WWOX: variants seen among roughly 807,000 people sequenced by gnomAD.
WWOX encodes the protein WW domain-containing oxidoreductase.
In WWOX, 69 loss-of-function variants were observed where a neutral mutation model predicts 46.2. The ratio of observed to expected loss-of-function variants is 1.49; its 90% CI spans 1.23 to 1.82. WWOX has a LOEUF of 1.82. Among genes scored for constraint, WWOX ranks in the 40% most tolerant of loss-of-function variants. WWOX has a pLI of 0.00. For missense variants in WWOX, 919 were observed against 542.6 expected (o/e 1.69, Z -6.89); for synonymous variants, 359 against 202.6 (o/e 1.77, Z -6.56).
intron 6 of WWOX, among the ~76,000 whole-genome samples, chr16:78,405,430 G>A (rs764613980): frequency 2.6e-5 from 4 of 152,140 alleles, no homozygotes; most frequent in Non-Finnish European, 5.9e-5. Flanking sequence ...ACATGTGACG[G>A]TCCTTTCAAA....
intron 8 of WWOX, among the ~76,000 whole-genome samples, chr16:78,652,306 G>A (rs898727791): frequency 3.3e-5 from 5 of 150,466 alleles, no homozygotes; most frequent in Admixed American, 3.3e-4. Flanking sequence ...CTACTCGGGA[G>A]CCTGAGGCAG....
At chr16:78,301,368 T>C (rs2080038363) in intron 5 of WWOX, among the ~76,000 whole-genome samples, 9 of 152,222 alleles carry the variant, frequency 5.9e-5, no homozygotes, top group Admixed American at 4.6e-4. Flanking sequence ...CCTTTCTGGA[T>C]ACTGTGTATA....
Position 78,226,452 on chromosome 16 carries a change from T to TTGTCC in WWOX, c.516+62188_516+62192dup, listed in dbSNP as rs558775038. ...GAAGACCCTTCTTTCCTTTCCTTTC[T>TTGTCC]TGTCCTGTCCTGTCCTGTCCTGTCC... On this transcript the variant is annotated intron_variant, in intron 5 of 8. Transcript: ENST00000566780. Among the ~76,000 whole-genome samples, 360 of 151,014 alleles carry TTGTCC rather than the reference T, an allele frequency of 2.4e-3. 2 individuals carry two copies. The highest frequency in any genetic ancestry group is 3.3e-3 in the Non-Finnish European group (221 of 67,724).
chr16:79,069,898 AT>A (rs2048516354), intron 8 of WWOX, among the ~76,000 whole-genome samples: 1 of 152,094 alleles, frequency 6.6e-6, no homozygotes, highest in Admixed American at 6.5e-5. Context: ...CTTGTTTCAA[AT>A]TTTTTCCCCC....
intron 8 of WWOX, among the ~76,000 whole-genome samples, chr16:78,800,777 T>C (rs973370380): frequency 6.6e-6 from 1 of 152,156 alleles, no homozygotes; most frequent in African/African-American, 2.4e-5. Flanking sequence ...TCTGGGTCTG[T>C]GTCAGGCATG....
intron 5 of WWOX, among the ~76,000 whole-genome samples, chr16:78,211,394 C>T (rs892220815): frequency 6.6e-6 from 1 of 152,136 alleles, no homozygotes; most frequent in African/African-American, 2.4e-5. Flanking sequence ...CTACTGTGTG[C>T]TGAGCACTGA....
chr16:78,672,468 G>A (rs148019811), intron 8 of WWOX, among the ~76,000 whole-genome samples: 4 of 152,124 alleles, frequency 2.6e-5, no homozygotes, highest in Non-Finnish European at 4.4e-5. Flanking sequence ...CTCATGTTCC[G>A]GTTTCTGTGA....
chr16:78,676,906 A>G (rs533091816), intron 8 of WWOX, among the ~76,000 whole-genome samples: 9 of 152,328 alleles, frequency 5.9e-5, no homozygotes, highest in Non-Finnish European at 1.2e-4. Context: ...TGATAAGTTA[A>G]TTTAGAAGTA....
chr16:78,100,218 G>A, intron 1 of WWOX: 1 of 1,165,354 alleles, frequency 8.6e-7, no homozygotes, highest in Non-Finnish European at 1.1e-6. Flanking sequence ...GCTCCCTCCT[G>A]CAGGCTCTGG....
chr16:79,004,492 GC>G (rs1213102220), intron 8 of WWOX: 1 of 152,290 alleles, frequency 6.6e-6, no homozygotes, highest in Non-Finnish European at 1.5e-5. Flanking sequence ...GTGTCAACCA[GC>G]TTTGCTGGTT....
intron 8 of WWOX, among the ~76,000 whole-genome samples, chr16:78,464,444 GA>G (rs1239693047): frequency 6.6e-6 from 1 of 152,168 alleles, no homozygotes; most frequent in Non-Finnish European, 1.5e-5. Flanking sequence ...GTAGTCCACA[GA>G]AAGCACCTTG....
rs569717773 is a variant in WWOX at position 78,996,246 on chromosome 16, G to T, written c.1057-215362G>T. On this transcript the variant is annotated intron_variant, in intron 8 of 8. Coordinates refer to ENST00000566780, the MANE Select transcript of WWOX (RefSeq NM_016373.4). ...GATAGAAGAAGTAACCTTGAAAAGG[G>T]CAGAGCTGAGCCAGACCCCTTTTCA... 4.9e-5 allele frequency: 48 copies of T among 985,050 alleles called. No homozygotes were observed. The African/African-American group carries it at 8.2e-4, about 17-fold the overall frequency. The allele number at this position is 985,050 out of a possible 1,614,324, so 61.0% of individuals were successfully genotyped here. A position where few individuals can be genotyped will look rare whatever the true frequency, so the allele number is the denominator to read the frequency against.
chr16:78,592,674 G>A (rs552146524), intron 8 of WWOX, among the ~76,000 whole-genome samples: 1 of 152,282 alleles, frequency 6.6e-6, no homozygotes, highest in Admixed American at 6.5e-5. Context: ...GTGTAAATTA[G>A]GAATTGCATT....
intron 8 of WWOX, among the ~76,000 whole-genome samples, chr16:78,593,280 A>G (rs1056168799): frequency 6.6e-6 from 1 of 152,032 alleles, no homozygotes; most frequent in Non-Finnish European, 1.5e-5. Context: ...GCCTCAAGCA[A>G]TCCAGCCACC....
At chr16:78,609,846 T>A (rs2045856385) in intron 8 of WWOX, among the ~76,000 whole-genome samples, 1 of 152,206 alleles carries the variant, frequency 6.6e-6, no homozygotes, top group Admixed American at 6.5e-5. Flanking sequence ...ATGTGCGTGT[T>A]TTTAGTTTCT....
chr16:78,209,163 T>C (rs2036481801), intron 5 of WWOX, among the ~76,000 whole-genome samples: 1 of 152,144 alleles, frequency 6.6e-6, no homozygotes, highest in African/African-American at 2.4e-5. Context: ...AACATGAAAA[T>C]CAAATACAAT....
At chr16:78,881,112 C>G (rs1252920166) in intron 8 of WWOX, among the ~76,000 whole-genome samples, 3 of 151,818 alleles carry the variant, frequency 2.0e-5, no homozygotes, top group Non-Finnish European at 4.4e-5. Context: ...CTACCTCAGC[C>G]TCCCAAGGGA....
Position 78,174,245 on chromosome 16 carries a change from G to C in WWOX, c.516+9956G>C, listed in dbSNP as rs554067563. On this transcript the variant is annotated intron_variant, in intron 5 of 8. Transcript: ENST00000566780. ...TCAGAATCATGGTAGGAGGCGAAAG[G>C]CACTTCTTATATGGTGTCAGCAAGA... is the stretch of plus-strand genomic sequence containing the variant. 2.0e-5 allele frequency among the ~76,000 whole-genome samples: 3 copies of C among 152,310 alleles called. No homozygotes were observed. The South Asian group carries it at 6.2e-4, about 32-fold the overall frequency.
At chr16:78,440,451 T>C (rs4564588) in intron 8 of WWOX, among the ~76,000 whole-genome samples, 2,400 of 152,276 alleles carry the variant, frequency 0.016, 63 homozygotes, top group African/African-American at 0.054. Flanking sequence ...TCTCAGATTA[T>C]ATGAAGCTCT....
Sources: allele counts gnomAD v4.1 joint callset (sites outside exome capture counted in the v4.1 genomes callset), GRCh38; gene constraint gnomAD v4.1.1; transcripts MANE v1.5; gene names NCBI Gene and HGNC (gene_info 2026-07-23, HGNC 2026-07-21).